PACRG: variants seen among roughly 807,000 people sequenced by gnomAD.
The protein encoded by PACRG is parkin coregulated.
PACRG carries 29 observed loss-of-function variants against 29.7 expected under a neutral mutation model. The observed-to-expected ratio is 0.98, with a 90% CI of 0.73 to 1.33. The LOEUF is 1.33. Ranked by LOEUF, PACRG falls within the 40% of genes most tolerant of loss-of-function variation. The pLI, the probability that PACRG is intolerant of heterozygous loss-of-function variation, is 0.00. For synonymous variants in PACRG, 116 were observed against 118.7 expected (o/e 0.98, Z 0.15); for missense variants, 279 against 316.2 (o/e 0.88, Z 0.89).
chr6:162,737,227 T>G (rs1015839745), intron 1 of PACRG, among the ~76,000 whole-genome samples: 2 of 152,172 alleles, frequency 1.3e-5, no homozygotes, highest in Non-Finnish European at 2.9e-5. Context: ...TCTGCCAGTG[T>G]TGAGGGTCAG....
chr6:162,802,947 T>A (rs1786003931), intron 1 of PACRG, among the ~76,000 whole-genome samples: 1 of 152,180 alleles, frequency 6.6e-6, no homozygotes, highest in Non-Finnish European at 1.5e-5. Flanking sequence ...TTTCTCACTA[T>A]ACACTCTCTC....
chr6:162,871,878 C>CCAT (rs1792845069), intron 2 of PACRG, among the ~76,000 whole-genome samples: 1 of 151,606 alleles, frequency 6.6e-6, no homozygotes, highest in Non-Finnish European at 1.5e-5. Context: ...AGATGTGCCA[C>CCAT]TGCACTCCAG....
intron 2 of PACRG, among the ~76,000 whole-genome samples, chr6:162,900,369 A>AT (rs1222403776): frequency 6.6e-6 from 1 of 152,182 alleles, no homozygotes; most frequent in South Asian, 2.1e-4. Context: ...TCAACCTGTG[A>AT]TTCCTAGGTG....
At chr6:163,148,179 A>T (rs1295774439) in intron 4 of PACRG, among the ~76,000 whole-genome samples, 1 of 152,208 alleles carries the variant, frequency 6.6e-6, no homozygotes, top group African/African-American at 2.4e-5. Flanking sequence ...TTAATGCTGC[A>T]AATTGGCAGC....
At chr6:163,028,325 G>C (rs557228698) in intron 2 of PACRG, among the ~76,000 whole-genome samples, 3 of 152,246 alleles carry the variant, frequency 2.0e-5, no homozygotes, top group South Asian at 4.1e-4. Context: ...AAGGTCTCCA[G>C]GTACCTAGTG....
chr6:163,004,737 T>C (rs200209887), intron 2 of PACRG, among the ~76,000 whole-genome samples: 12,372 of 135,292 alleles, frequency 0.091, 1,762 homozygotes, highest in African/African-American at 0.31. Flanking sequence ...TATATATATA[T>C]ACACACACAC....
At chr6:163,052,244 C>A (rs183701636) in intron 2 of PACRG, among the ~76,000 whole-genome samples, 4 of 152,032 alleles carry the variant, frequency 2.6e-5, no homozygotes, top group African/African-American at 9.7e-5. Context: ...ATTTTAGAAA[C>A]GTCACAATAA....
chr6:163,000,989 A>G (rs1461611650), intron 2 of PACRG, among the ~76,000 whole-genome samples: 1 of 152,166 alleles, frequency 6.6e-6, no homozygotes, highest in East Asian at 1.9e-4. Context: ...GATGGCCATG[A>G]TTTTGAAGGA....
At chr6:162,735,362 A>G (rs1780086206) in intron 1 of PACRG, among the ~76,000 whole-genome samples, 1 of 152,200 alleles carries the variant, frequency 6.6e-6, no homozygotes, top group African/African-American at 2.4e-5. Context: ...TTCCAGTGCT[A>G]TATGAGAGTG....
chr6:163,072,722 C>CA (rs1481385218), intron 3 of PACRG, among the ~76,000 whole-genome samples: 1 of 151,990 alleles, frequency 6.6e-6, no homozygotes, highest in Non-Finnish European at 1.5e-5. Flanking sequence ...AAGACTCCAC[C>CA]AAAAAACTAT....
chr6:163,250,377 C>T (rs374946089), intron 4 of PACRG, among the ~76,000 whole-genome samples: 30 of 152,340 alleles, frequency 2.0e-4, no homozygotes, highest in East Asian at 1.4e-3. Context: ...CTGAAATGCT[C>T]GGGGGCCCCA....
rs1806468773 is a variant in PACRG, at chr6:163,020,070, T to C, written c.292-42080T>C. 1.3e-5 allele frequency among the ~76,000 whole-genome samples: 2 copies of C among 152,208 alleles called. 1 individual carries two copies. The highest frequency in any genetic ancestry group is 4.1e-4 in the South Asian group (2 of 4,830). On this transcript the variant is annotated intron_variant, in intron 2 of 4. Transcript: ENST00000366888. ...GATCCTAATTACAGGAAATAATTAC[T>C]CACAGACAAGTTGCCCTTCATTTAA...
rs114918072 is a variant in PACRG at position 163,232,632 on chromosome 6, C to T, written c.614-82195C>T. On this transcript the variant is annotated intron_variant, in intron 4 of 4. Coordinates refer to ENST00000366888, the MANE Select transcript of PACRG (RefSeq NM_001080379.2). ...ACACACTTATACTTTGAGGGTGTTC[C>T]GCTTCCCTAAGGCACACCGGGGAAG... Among the ~76,000 whole-genome samples, 262 of 152,192 alleles carry T rather than the reference C, an allele frequency of 1.7e-3. 1 individual carries two copies. The highest frequency in any genetic ancestry group is 5.9e-3 in the African/African-American group (247 of 41,514).
rs1478182565 is a variant in PACRG at position 162,960,535 on chromosome 6, A to G, written c.292-101615A>G. On this transcript the variant is annotated intron_variant, in intron 2 of 4. Coordinates refer to ENST00000366888, the MANE Select transcript of PACRG (RefSeq NM_001080379.2). ...AACCAAATACTGCACATTCTCTTTTATAAGTGAGAGCTAAACATTGAGCAC... is the reference window on the plus strand; with the variant it reads ...AACCAAATACTGCACATTCTCTTTTGTAAGTGAGAGCTAAACATTGAGCAC... Among the ~76,000 whole-genome samples the G allele has an allele frequency of 2.6e-5, 4 of 152,236 alleles. 1 individual carries two copies. The highest frequency in any genetic ancestry group is 2.9e-5 in the Non-Finnish European group (2 of 68,042).
chr6:162,751,811 C>A (rs1179193867), intron 1 of PACRG, among the ~76,000 whole-genome samples: 1 of 152,116 alleles, frequency 6.6e-6, no homozygotes, highest in African/African-American at 2.4e-5. Context: ...ATCTTAAATG[C>A]CTATCATTTT....
At chr6:163,138,137 G>A (rs577196888) in intron 4 of PACRG, among the ~76,000 whole-genome samples, 8 of 152,304 alleles carry the variant, frequency 5.3e-5, no homozygotes. Flanking sequence ...TTACAAACCT[G>A]TCATCAATTT....
intron 1 of PACRG, among the ~76,000 whole-genome samples, chr6:162,797,335 C>A (rs79385997): frequency 6.6e-6 from 1 of 152,070 alleles, no homozygotes; most frequent in African/African-American, 2.4e-5. Flanking sequence ...GATTTTATAC[C>A]TAAAGGGCAC....
chr6:163,138,612 T>C (rs1033578), intron 4 of PACRG, among the ~76,000 whole-genome samples: 32,092 of 152,110 alleles, frequency 0.21, 4,743 homozygotes, highest in African/African-American at 0.41. Context: ...GATCTGATGC[T>C]GCTGCTGACC....
In PACRG at chr6:163,126,892, C is replaced by T. The variant is rs979863793; in HGVS notation, c.613+37484C>T. On this transcript the variant is annotated intron_variant, in intron 4 of 4. Coordinates refer to ENST00000366888, the MANE Select transcript of PACRG (RefSeq NM_001080379.2). The stretch of plus-strand genomic sequence containing the variant: ...CCCGAAGGGGAGTCTATCCAGGCAC[C>T]CAGGTAGCACTGCTGGCCAGGTCAG... Among the ~76,000 whole-genome samples the T allele has an allele frequency of 3.3e-5, 5 of 152,146 alleles. No homozygotes were observed. In the South Asian group the frequency reaches 6.2e-4, roughly 19 times the overall value.
Sources: allele counts gnomAD v4.1 joint callset (sites outside exome capture counted in the v4.1 genomes callset), GRCh38; gene constraint gnomAD v4.1.1; transcripts MANE v1.5; gene names NCBI Gene and HGNC (gene_info 2026-07-23, HGNC 2026-07-21).